SMG1: variants seen among roughly 807,000 people sequenced by gnomAD.
SMG1 encodes serine/threonine-protein kinase SMG1.
SMG1 carries 22 observed loss-of-function variants against 419.9 expected under a neutral mutation model. The ratio of observed to expected loss-of-function variants is 0.05; its 90% CI spans 0.04 to 0.07. The LOEUF is 0.07. Ranked by LOEUF, SMG1 falls within the 10% of genes least tolerant of loss-of-function variation. The probability of loss-of-function intolerance (pLI) is 1.00; values close to 1 mark genes in which losing one functional copy is unlikely to be tolerated. For missense variants in SMG1, 3,185 were observed against 4,342.0 expected, an observed-to-expected ratio of 0.73 and a Z score of 7.49; for synonymous variants, 1,538 against 1,553.5, an observed-to-expected ratio of 0.99 and a Z score of 0.23.
rs137982145 is a variant in SMG1 at position 18,829,903 on chromosome 16, T to TA, written c.9133+22dup. On this transcript the variant is annotated intron_variant, in intron 53 of 62. Coordinates refer to ENST00000446231, the MANE Select transcript of SMG1 (RefSeq NM_015092.5). ...CATAGTGCTACATAGCTAAAGCTAG[T>TA]ATGTTTACAGGTAGAATATTACCTG... 3.4e-3 allele frequency: 5,096 copies of TA among 1,507,676 alleles called. 12 individuals are homozygous for TA. Among genetic ancestry groups the TA allele is most frequent in the Non-Finnish European group, 4.1e-3 (4,604 of 1,128,984 alleles). 93.4% of individuals were successfully genotyped at this position (1,507,676 alleles called of 1,614,324 possible).
At chr16:18,867,588 T>C (rs2035586173) in intron 22 of SMG1, among the ~76,000 whole-genome samples, 1 of 151,456 alleles carries the variant, frequency 6.6e-6, no homozygotes, top group Admixed American at 6.6e-5. Flanking sequence ...TAAACAAATT[T>C]TCAGAACTAC....
At chr16:18,842,552 C>T (rs1023979858) in intron 39 of SMG1, 98 bp from the exon 40 acceptor site, 18 of 1,256,002 alleles carry the variant, frequency 1.4e-5, no homozygotes, top group Middle Eastern at 2.6e-4. Flanking sequence ...TAGGTCACGG[C>T]GGCAGCTCAT....
At chr16:18,849,571 G>T (rs2034476666) in intron 35 of SMG1, among the ~76,000 whole-genome samples, 193 bp from the exon 36 acceptor site, 1 of 152,162 alleles carries the variant, frequency 6.6e-6, no homozygotes, top group South Asian at 2.1e-4. Flanking sequence ...GTTAAGGTTG[G>T]TTTAGATACA....
In SMG1 at chr16:18,921,137, C is replaced by CA. The variant is rs548882021; in HGVS notation, c.92+4812dup. Among the ~76,000 whole-genome samples the CA allele has an allele frequency of 8.2e-3, 637 of 77,616 alleles. 7 individuals carry two copies. Among genetic ancestry groups the CA allele is most frequent in the South Asian group, 0.031 (73 of 2,344 alleles). 50.9% of individuals were successfully genotyped at this position (77,616 alleles called of 152,430 possible). On this transcript the variant is annotated intron_variant, in intron 1 of 62. Transcript: ENST00000446231. The stretch of plus-strand genomic sequence containing the variant: ...TGGGCGACAAAGTAAAACTCTGTCT[C>CA]AAAAAAAAAAAAAAAAAAGAGAGAG...
chr16:18,830,303 T>C lies in SMG1; in HGVS notation c.8859A>G (p.Lys2953=), dbSNP rs1168803481. Residue 2953 remains lysine (K), a synonymous_variant, in exon 52 of 63, where the codon AAA becomes AAG. Transcript: ENST00000446231. The part of the protein sequence containing the change: ...PRNGSVDETP[K]MSAGQMLLVA... ...CCAAAAGCATCTGGCCAGCTGACATTTTGGGTGTTTCATCAACTGAACCAT... is the reference window on the plus strand; with the variant it reads ...CCAAAAGCATCTGGCCAGCTGACATCTTGGGTGTTTCATCAACTGAACCAT... 3.1e-6 allele frequency: 5 copies of C among 1,613,868 alleles called. No homozygotes were observed. Among genetic ancestry groups the C allele is most frequent in the Non-Finnish European group, 4.2e-6 (5 of 1,179,886 alleles).
At chr16:18,873,818 T>G (rs1352488343) in intron 13 of SMG1, among the ~76,000 whole-genome samples, 1 of 152,164 alleles carries the variant, frequency 6.6e-6, no homozygotes, top group Non-Finnish European at 1.5e-5. Flanking sequence ...CATCCATCTT[T>G]TTCCTTTACA....
Position 18,817,359 on chromosome 16 carries a change from T to A in SMG1, c.10006A>T (p.Met3336Leu). 6.2e-7 allele frequency: 1 copy of A among 1,612,094 alleles called. No homozygotes were observed. Among genetic ancestry groups the A allele is most frequent in the Non-Finnish European group, 8.5e-7 (1 of 1,179,052 alleles). The change falls in exon 57 of 63, where the codon ATG (methionine) becomes TTG (leucine). Residue 3336 changes from methionine to leucine, a missense_variant. Physicochemically the swap from Met to Leu is conservative, Grantham distance 15. This residue lies in a region of SMG1 where 737 missense variants were observed against 846.6 expected (regional missense o/e 0.87). Coordinates refer to ENST00000446231, the MANE Select transcript of SMG1 (RefSeq NM_015092.5). ...LFELIKRCQQ[M>L]CSFASQFNSS... is the part of the protein sequence containing the mutation. ...TTAAACTGTGATGCAAACGAACACA[T>A]CTGCTGACATCGCTTGATTAGTTCA...
At position 18,871,918 on chromosome 16, in the gene SMG1, T is replaced by C. The variant is rs1360763159; in HGVS notation, c.2183+266A>G. Among the ~76,000 whole-genome samples the C allele has an allele frequency of 2.0e-5, 3 of 151,646 alleles. No homozygotes were observed. The East Asian group carries it at 5.8e-4, about 29-fold the overall frequency. ...CCGTCTCAAAAAAAAAAGCAAAGAATATTAAAAATCTATATATATTCTTCT... is the reference window on the plus strand; with the variant it reads ...CCGTCTCAAAAAAAAAAGCAAAGAACATTAAAAATCTATATATATTCTTCT... On this transcript the variant is annotated intron_variant, in intron 15 of 62. Coordinates refer to ENST00000446231, the MANE Select transcript of SMG1 (RefSeq NM_015092.5).
chr16:18,926,120 A>G lies in SMG1; in HGVS notation c.-79T>C, dbSNP rs1040887712. On this transcript the variant is annotated 5_prime_UTR_variant, in exon 1 of 63. Coordinates refer to ENST00000446231, the MANE Select transcript of SMG1 (RefSeq NM_015092.5). ...GCCGCCCGAACCGGCCGCCGCCGAC[A>G]CCCCGCTCCGGCCCGGGGCTGAGGA... 18 of 1,300,846 alleles carry G rather than the reference A, an allele frequency of 1.4e-5. No individual in the cohort carries two copies. Among genetic ancestry groups the G allele is most frequent in the Non-Finnish European group, 1.9e-5 (18 of 968,818 alleles). 80.6% of individuals were successfully genotyped at this position (1,300,846 alleles called of 1,614,324 possible).
chr16:18,910,940 C>T (rs1457033538), intron 1 of SMG1, among the ~76,000 whole-genome samples: 1 of 152,126 alleles, frequency 6.6e-6, no homozygotes, highest in South Asian at 2.1e-4. Flanking sequence ...TCTTAAATTC[C>T]AACTGTGTAG....
In SMG1 at chr16:18,850,227, T is replaced by G. The variant is rs1300213081; in HGVS notation, c.5283+10A>C. On this transcript the variant is annotated intron_variant, in intron 34 of 62. Transcript: ENST00000446231. ...CAAAATAAATTTTCTTAGAACACTG[T>G]GCTACATACTTGACCAGCGTTGAGT... is the stretch of plus-strand genomic sequence containing the variant. 6.2e-7 allele frequency: 1 copy of G among 1,601,834 alleles called. No homozygotes were observed. The highest frequency in any genetic ancestry group is 1.1e-5 in the South Asian group (1 of 89,866).
Position 18,838,460 on chromosome 16 carries a change from C to T in SMG1, c.7091G>A (p.Ser2364Asn), listed in dbSNP as rs1392723853. The T allele has an allele frequency of 2.5e-6, 4 of 1,613,890 alleles. No homozygotes were observed. Among genetic ancestry groups the T allele is most frequent in the Non-Finnish European group, 3.4e-6 (4 of 1,179,896 alleles). The change falls in exon 44 of 63, where the codon AGC becomes AAC. Residue 2364 changes from serine (S) to asparagine (N), a missense_variant. This residue lies in a region of SMG1 where 60 missense variants were observed against 133.9 expected (regional missense o/e 0.45). Transcript: ENST00000446231. The part of the protein sequence containing the change: ...DYNVCFEKGK[S>N]LRVPEKVPFR... ...AGGTACTTTCTCAGGAACTCTAAGG[C>T]TTTTACCTTGAAAAGACAAATCATT...
chr16:18,859,385 G>A (rs1293430416), intron 27 of SMG1, 171 bp downstream of exon 27: 5 of 721,964 alleles, frequency 6.9e-6, no homozygotes, highest in South Asian at 3.8e-5. Flanking sequence ...TTCAACCTCA[G>A]TTTATGTTGG....
intron 11 of SMG1, 117 bp from the exon 12 acceptor site, chr16:18,877,349 A>C (rs1305743353): frequency 1.6e-6 from 1 of 628,752 alleles, no homozygotes; most frequent in African/African-American, 1.9e-5. Context: ...ATACTATATG[A>C]CTCCAACTAC....
At chr16:18,905,675 C>T (rs1335481778) in intron 1 of SMG1, among the ~76,000 whole-genome samples, 6 of 149,270 alleles carry the variant, frequency 4.0e-5, no homozygotes, top group Admixed American at 2.7e-4. Flanking sequence ...TATAGTGGTG[C>T]AATACTGGCT....
chr16:18,881,530 G>A (rs538814772), intron 10 of SMG1, among the ~76,000 whole-genome samples: 6 of 152,194 alleles, frequency 3.9e-5, no homozygotes, highest in Admixed American at 2.0e-4. Flanking sequence ...TCATCAGTTC[G>A]ATTAAATCTT....
In SMG1 at chr16:18,807,346, G is replaced by C. The variant is rs1238865188; in HGVS notation, c.*2223C>G. The C allele has an allele frequency of 6.6e-6, 1 of 152,170 alleles. No individual in the cohort carries two copies. The highest frequency in any genetic ancestry group is 2.4e-5 in the African/African-American group (1 of 41,442). The allele number at this position is 152,170 out of a possible 1,614,324, so 9.4% of individuals were successfully genotyped here. On this transcript the variant is annotated 3_prime_UTR_variant, in exon 63 of 63. Transcript: ENST00000446231. ...AGAGAGCAGAGGTAATGTGATGAAT[G>C]TAATTTGCTCCCAGAGCCTCTAGAA...
intron 5 of SMG1, among the ~76,000 whole-genome samples, 197 bp downstream of exon 5, chr16:18,890,666 A>C (rs1316106786): frequency 6.6e-6 from 1 of 152,306 alleles, no homozygotes; most frequent in East Asian, 1.9e-4. Context: ...TAAATAAAGT[A>C]TTCTTTTCAA....
chr16:18,845,265 A>G (rs189853681), intron 39 of SMG1, among the ~76,000 whole-genome samples, 164 bp downstream of exon 39: 1 of 152,290 alleles, frequency 6.6e-6, no homozygotes, highest in African/African-American at 2.4e-5. Context: ...TCTTAAACAG[A>G]AACACTTTTT....
Sources: allele counts gnomAD v4.1 joint callset (sites outside exome capture counted in the v4.1 genomes callset), GRCh38; gene constraint gnomAD v4.1.1; regional missense constraint gnomAD v4.1.1; transcripts MANE v1.5; gene names NCBI Gene and HGNC (gene_info 2026-07-23, HGNC 2026-07-21).